ACYP2: variants seen among roughly 807,000 people sequenced by gnomAD.
The protein encoded by ACYP2 is acylphosphatase 2.
Under a neutral mutation model 11.2 loss-of-function variants are expected in ACYP2, and 12 were observed. The observed-to-expected ratio is 1.08, with a 90% CI of 0.69 to 1.74. ACYP2 has a LOEUF of 1.74. Among genes scored for constraint, ACYP2 ranks in the 40% most tolerant of loss-of-function variants. ACYP2 has a pLI of 0.00. For synonymous variants in ACYP2, 43 were observed against 32.2 expected (o/e 1.33, Z -1.13); for missense variants, 134 against 101.9 (o/e 1.31, Z -1.35).
intron 6 of ACYP2, among the ~76,000 whole-genome samples, chr2:54,225,214 A>C (rs1208754586): frequency 6.6e-6 from 1 of 152,216 alleles, no homozygotes; most frequent in Non-Finnish European, 1.5e-5. Flanking sequence ...GCTGTGGACA[A>C]CACGGCTGTG....
chr2:54,155,539 G>A (rs117339744), intron 6 of ACYP2, among the ~76,000 whole-genome samples: 3 of 152,142 alleles, frequency 2.0e-5, no homozygotes, highest in Non-Finnish European at 2.9e-5. Context: ...ATAGCAGAGC[G>A]AACCCTATTG....
chr2:54,291,516 C>T (rs143116150), intron 6 of ACYP2, among the ~76,000 whole-genome samples: 29 of 152,328 alleles, frequency 1.9e-4, no homozygotes, highest in African/African-American at 6.3e-4. Context: ...GGGTCTTTCA[C>T]GTACTGCAGA....
At position 53,996,559 on chromosome 2, in the gene ACYP2, C is replaced by T. The variant is rs1487611626; in HGVS notation, c.62+22749C>T. Among the ~76,000 whole-genome samples, 4 of 152,218 alleles carry T rather than the reference C, an allele frequency of 2.6e-5. No homozygotes were observed. The East Asian group carries it at 7.7e-4, about 29-fold the overall frequency. On this transcript the variant is annotated intron_variant, in intron 2 of 6. Transcript: ENST00000607452. ...AGTTTTGCAATGGGTAGAACTGGTC[C>T]TGTTAATGCTGCCATGATCAGCCAC...
chr2:54,133,382 G>A (rs958513175), intron 4 of ACYP2, among the ~76,000 whole-genome samples: 2 of 152,050 alleles, frequency 1.3e-5, no homozygotes, highest in Non-Finnish European at 2.9e-5. Context: ...TATTCCCAAT[G>A]TTTTTTAATT....
intron 4 of ACYP2, among the ~76,000 whole-genome samples, chr2:54,075,670 A>G (rs887991691): frequency 2.0e-5 from 3 of 151,642 alleles, no homozygotes; most frequent in Non-Finnish European, 2.9e-5. Flanking sequence ...AAAATTAGCC[A>G]GGTGTGGTGG....
chr2:54,284,276 A>T (rs1382179260), intron 6 of ACYP2, among the ~76,000 whole-genome samples: 1 of 152,230 alleles, frequency 6.6e-6, no homozygotes, highest in African/African-American at 2.4e-5. Flanking sequence ...ATCACTGATC[A>T]CTGCACTTTC....
intron 2 of ACYP2, among the ~76,000 whole-genome samples, chr2:53,989,448 G>A (rs1375312901): frequency 6.6e-6 from 1 of 152,082 alleles, no homozygotes; most frequent in East Asian, 1.9e-4. Flanking sequence ...AGTTCTTTTA[G>A]GGCATAGTCC....
intron 2 of ACYP2, among the ~76,000 whole-genome samples, chr2:54,043,486 C>G (rs1013374175): frequency 1.3e-5 from 2 of 152,064 alleles, no homozygotes; most frequent in African/African-American, 4.8e-5. Flanking sequence ...TTTCAAATGC[C>G]CTGCAGGGCA....
intron 2 of ACYP2, among the ~76,000 whole-genome samples, chr2:54,048,339 T>C (rs1340562216): frequency 1.3e-5 from 2 of 152,088 alleles, no homozygotes; most frequent in Non-Finnish European, 2.9e-5. Flanking sequence ...GGTGGAAGAA[T>C]TGCTTGAACA....
intron 6 of ACYP2, among the ~76,000 whole-genome samples, chr2:54,252,606 T>C (rs1163819778): frequency 6.6e-6 from 1 of 152,136 alleles, no homozygotes; most frequent in Non-Finnish European, 1.5e-5. Flanking sequence ...CCATCATCCA[T>C]TCATAAGGAA....
At chr2:54,248,185 G>A (rs1383189500) in intron 6 of ACYP2, among the ~76,000 whole-genome samples, 1 of 152,206 alleles carries the variant, frequency 6.6e-6, no homozygotes, top group African/African-American at 2.4e-5. Context: ...AGAAGGATTT[G>A]ACTGAAGTTC....
Position 54,022,617 on chromosome 2 carries a change from C to G in ACYP2, c.63-28341C>G, listed in dbSNP as rs188540995. ...GTGGTCTTGAATTTCTGACCTCAAG[C>G]AACCCTCCCACCTCAGCCTCACAAA... On this transcript the variant is annotated intron_variant, in intron 2 of 6. Coordinates refer to ENST00000607452, the MANE Select transcript of ACYP2 (RefSeq NM_001320586.2). 2.0e-4 allele frequency among the ~76,000 whole-genome samples: 30 copies of G among 152,226 alleles called. No homozygotes were observed. In the Middle Eastern group the frequency reaches 0.01, roughly 52 times the overall value.
At chr2:54,171,890 C>T (rs1683235441) in intron 6 of ACYP2, among the ~76,000 whole-genome samples, 3 of 152,034 alleles carry the variant, frequency 2.0e-5, no homozygotes, top group Admixed American at 6.6e-5. Context: ...TTTTCTTTCC[C>T]TGTACTAATT....
At chr2:54,173,199 C>T (rs1282573179) in intron 6 of ACYP2, among the ~76,000 whole-genome samples, 2 of 152,232 alleles carry the variant, frequency 1.3e-5, no homozygotes, top group East Asian at 3.8e-4. Context: ...ACATCCTCTC[C>T]AGCATCTGTT....
chr2:54,242,108 T>G, intron 6 of ACYP2, among the ~76,000 whole-genome samples: 1 of 152,226 alleles, frequency 6.6e-6, no homozygotes, highest in Middle Eastern at 3.2e-3. Context: ...GCTATGACTA[T>G]ATTGCATGCT....
chr2:53,972,143 A>G (rs1671171518), intron 1 of ACYP2, among the ~76,000 whole-genome samples: 1 of 151,072 alleles, frequency 6.6e-6, no homozygotes, highest in African/African-American at 2.4e-5. Context: ...CCCCGTCTCT[A>G]CTAAAAATAC....
At chr2:54,195,582 G>A (rs888897450) in intron 6 of ACYP2, among the ~76,000 whole-genome samples, 3 of 147,658 alleles carry the variant, frequency 2.0e-5, no homozygotes, top group Non-Finnish European at 4.4e-5. Flanking sequence ...TGTGGCCCCC[G>A]CAGCCCCAGC....
At chr2:54,019,396 A>G (rs1673876046) in intron 2 of ACYP2, among the ~76,000 whole-genome samples, 1 of 149,332 alleles carries the variant, frequency 6.7e-6, no homozygotes, top group Non-Finnish European at 1.5e-5. Context: ...ATTTTTTTTG[A>G]CACACAGTCT....
chr2:54,290,933 T>A (rs948797475), intron 6 of ACYP2, among the ~76,000 whole-genome samples: 1 of 152,192 alleles, frequency 6.6e-6, no homozygotes, highest in Non-Finnish European at 1.5e-5. Context: ...TAGGCAGGCT[T>A]GCCTTGCCAA....
Sources: allele counts gnomAD v4.1 joint callset (sites outside exome capture counted in the v4.1 genomes callset), GRCh38; gene constraint gnomAD v4.1.1; transcripts MANE v1.5; gene names NCBI Gene and HGNC (gene_info 2026-07-23, HGNC 2026-07-21).